The following LMBRD2 variants were observed in gnomAD, a reference collection of about 807,000 sequenced individuals.
LMBRD2 encodes G protein-coupled receptor-associated protein LMBRD2.
Under a neutral mutation model 94.4 loss-of-function variants are expected in LMBRD2, and 55 were observed. The observed-to-expected ratio is 0.58, with a 90% CI of 0.47 to 0.73. The LOEUF is 0.73. Ranked by LOEUF, LMBRD2 falls within the 30% of genes least tolerant of loss-of-function variation. The pLI is 0.00. For synonymous variants in LMBRD2, 246 were observed against 272.4 expected, an observed-to-expected ratio of 0.90 and a Z score of 0.95; for missense variants, 640 against 831.9, an observed-to-expected ratio of 0.77 and a Z score of 2.84.
At position 36,100,708 on chromosome 5, in the gene LMBRD2, T is replaced by C. The variant is rs921032716; in HGVS notation, c.*3338A>G. The stretch of plus-strand genomic sequence containing the variant: ...TTAGTGCAAATATACTTGTAATTTT[T>C]AGGCATAATCCACTCAAATCACAAG... On this transcript the variant is annotated 3_prime_UTR_variant, in exon 18 of 18. Coordinates refer to ENST00000296603, the MANE Select transcript of LMBRD2 (RefSeq NM_001007527.2). 2.6e-5 allele frequency: 4 copies of C among 152,092 alleles called. No homozygotes were observed. The highest frequency in any genetic ancestry group is 9.7e-5 in the African/African-American group (4 of 41,438). The allele number at this position is 152,092 out of a possible 1,614,324, so 9.4% of individuals were successfully genotyped here.
chr5:36,121,790 T>C (rs1301549867), intron 9 of LMBRD2, among the ~76,000 whole-genome samples: 1 of 152,218 alleles, frequency 6.6e-6, no homozygotes, highest in African/African-American at 2.4e-5. Flanking sequence ...TCTATGTTTA[T>C]ATACACAAAA....
At chr5:36,130,117 C>T (rs931753056) in intron 6 of LMBRD2, among the ~76,000 whole-genome samples, 1 of 152,012 alleles carries the variant, frequency 6.6e-6, no homozygotes, top group African/African-American at 2.4e-5. Flanking sequence ...AGCACACCAA[C>T]GTGGCACATG....
In LMBRD2 at chr5:36,125,660, C is replaced by A. The variant is rs573588811; in HGVS notation, c.748-1395G>T. Among the ~76,000 whole-genome samples the A allele has an allele frequency of 7.9e-5, 12 of 152,228 alleles. No homozygotes were observed. In the East Asian group the frequency reaches 2.3e-3, roughly 29 times the overall value. On this transcript the variant is annotated intron_variant, in intron 6 of 17. Transcript: ENST00000296603. ...GATATAATCTATTTAAAGGTAATTT[C>A]ACAACATCTATTGAAATTTAGAATA...
chr5:36,109,445 A>C (rs1581041482), intron 15 of LMBRD2, among the ~76,000 whole-genome samples: 1 of 152,100 alleles, frequency 6.6e-6, no homozygotes, highest in Non-Finnish European at 1.5e-5. Flanking sequence ...CTTTGCCAGT[A>C]TATACACCCA....
At position 36,151,387 on chromosome 5, in the gene LMBRD2, A is replaced by G. The variant is rs191332765; in HGVS notation, c.-58+169T>C. ...TCTCCGGCTCCCCTAAAATTAAACC[A>G]TTGTCTCTCGTTCCAACGGCGTGTT... On this transcript the variant is annotated intron_variant, in intron 1 of 17. Transcript: ENST00000296603. This position sits in a 1 kb window ranked among gnomAD's most constrained non-coding sequence, Gnocchi z 4.7. Among the ~76,000 whole-genome samples, 2 of 152,262 alleles carry G rather than the reference A, an allele frequency of 1.3e-5. No homozygotes were observed. Among genetic ancestry groups the G allele is most frequent in the Admixed American group, 6.5e-5 (1 of 15,304 alleles).
chr5:36,113,322 C>T (rs1031433332), intron 13 of LMBRD2, among the ~76,000 whole-genome samples: 5 of 152,182 alleles, frequency 3.3e-5, no homozygotes, highest in South Asian at 4.1e-4. Flanking sequence ...GACCCTCTCA[C>T]GAGGACCCCC....
chr5:36,123,299 T>A (rs1048775606), intron 7 of LMBRD2, among the ~76,000 whole-genome samples: 1 of 152,118 alleles, frequency 6.6e-6, no homozygotes, highest in Admixed American at 6.5e-5. Flanking sequence ...AGCTAAAGAA[T>A]GAAGCAAAAT....
At chr5:36,116,324 A>T in intron 11 of LMBRD2, 136 bp downstream of exon 11, 1 of 833,576 alleles carries the variant, frequency 1.2e-6, no homozygotes, top group Non-Finnish European at 1.9e-6. Context: ...ACATCAATTT[A>T]ATATTTGAAA....
chr5:36,133,091 T>C (rs1196463038), intron 6 of LMBRD2, among the ~76,000 whole-genome samples: 1 of 151,842 alleles, frequency 6.6e-6, no homozygotes, highest in Non-Finnish European at 1.5e-5. Context: ...CAAAGAAATG[T>C]CTGCACTCCC....
Position 36,122,830 on chromosome 5 carries a change from T to A in LMBRD2, c.936+18A>T, listed in dbSNP as rs979874718. On this transcript the variant is annotated intron_variant, in intron 8 of 17. Coordinates refer to ENST00000296603, the MANE Select transcript of LMBRD2 (RefSeq NM_001007527.2). ...TAAAATCATCATTAAGTAAAATACT[T>A]ATAATTAACAAAGTTACCTGTTTAT... 1 of 1,586,280 alleles carries A rather than the reference T, an allele frequency of 6.3e-7. No homozygotes were observed. The highest frequency in any genetic ancestry group is 1.9e-5 in the Admixed American group (1 of 52,384).
In LMBRD2 at chr5:36,133,706, A is replaced by C. The variant is rs185226525; in HGVS notation, c.747+2603T>G. ...ATCCATTTTTAAAGAGCAGTTTCTT[A>C]TCTAAACTTTTTTACACAGCTTAAA... is the stretch of plus-strand genomic sequence containing the variant. On this transcript the variant is annotated intron_variant, in intron 6 of 17. Coordinates refer to ENST00000296603, the MANE Select transcript of LMBRD2 (RefSeq NM_001007527.2). Among the ~76,000 whole-genome samples, 708 of 152,278 alleles carry C rather than the reference A, an allele frequency of 4.6e-3. 12 individuals are homozygous for C. Among genetic ancestry groups the C allele is most frequent in the Non-Finnish European group, 6.8e-3 (464 of 67,994 alleles).
intron 6 of LMBRD2, among the ~76,000 whole-genome samples, chr5:36,126,640 C>A (rs971413473): frequency 6.6e-6 from 1 of 152,070 alleles, no homozygotes; most frequent in Non-Finnish European, 1.5e-5. Flanking sequence ...CTAGCAAATA[C>A]CTTTTGAATG....
rs1040484500 is a variant in LMBRD2, at chr5:36,103,863, G to C, written c.*183C>G. On this transcript the variant is annotated 3_prime_UTR_variant, in exon 18 of 18. Transcript: ENST00000296603. ...ATATGTAATAAATCTTGTTGAAAAAGGTGATACTCTATTCAATGCACATTA... is the reference window on the plus strand; with the variant it reads ...ATATGTAATAAATCTTGTTGAAAAACGTGATACTCTATTCAATGCACATTA... 4.3e-6 allele frequency: 2 copies of C among 460,730 alleles called. No individual in the cohort carries two copies. Among genetic ancestry groups the C allele is most frequent in the Non-Finnish European group, 7.9e-6 (2 of 252,850 alleles). 28.5% of individuals were successfully genotyped at this position (460,730 alleles called of 1,614,324 possible).
At chr5:36,146,793 AT>A (rs1744551044) in intron 1 of LMBRD2, among the ~76,000 whole-genome samples, 1 of 152,168 alleles carries the variant, frequency 6.6e-6, no homozygotes, top group South Asian at 2.1e-4. Flanking sequence ...GGCTCTGTAT[AT>A]GTTTTTAAAT....
chr5:36,110,537 T>C (rs1743579501), intron 14 of LMBRD2, among the ~76,000 whole-genome samples: 1 of 152,042 alleles, frequency 6.6e-6, no homozygotes, highest in African/African-American at 2.4e-5. Flanking sequence ...TACACTGGCT[T>C]ATTTTGGAGC....
chr5:36,118,868 T>C (rs901383127), intron 9 of LMBRD2, among the ~76,000 whole-genome samples: 1 of 152,030 alleles, frequency 6.6e-6, no homozygotes, highest in Non-Finnish European at 1.5e-5. Flanking sequence ...TAATTTTTTG[T>C]ATTTTTAGTA....
chr5:36,139,002 G>C (rs959563994), intron 4 of LMBRD2, among the ~76,000 whole-genome samples: 1 of 152,194 alleles, frequency 6.6e-6, no homozygotes, highest in Non-Finnish European at 1.5e-5. Flanking sequence ...GAGCTAGCAG[G>C]AGCTGGGAAG....
At position 36,104,126 on chromosome 5, in the gene LMBRD2, A is replaced by C. The variant is rs1318919969; in HGVS notation, c.2028-20T>G. The C allele has an allele frequency of 1.4e-5, 22 of 1,587,814 alleles. No individual in the cohort carries two copies. Among genetic ancestry groups the C allele is most frequent in the Non-Finnish European group, 1.8e-5 (21 of 1,157,386 alleles). ...TGATACCTAAAAAGGGAACATAAAG[A>C]AATGATCTGAGGCATCAAAAATAAT... On this transcript the variant is annotated intron_variant, in intron 17 of 17. Coordinates refer to ENST00000296603, the MANE Select transcript of LMBRD2 (RefSeq NM_001007527.2).
At chr5:36,144,387 A>C (rs1415069779) in intron 1 of LMBRD2, among the ~76,000 whole-genome samples, 1 of 152,184 alleles carries the variant, frequency 6.6e-6, no homozygotes, top group Non-Finnish European at 1.5e-5. Context: ...AGTGTGATCA[A>C]CCCAACAAAA....
Sources: gnomAD v4.1 joint callset for allele counts (sites outside exome capture counted in the v4.1 genomes callset) on GRCh38, gnomAD v4.1.1 for gene constraint, Gnocchi (gnomAD v3.1) non-coding constraint, MANE v1.5 for transcripts, NCBI Gene and HGNC (gene_info 2026-07-23, HGNC 2026-07-21) for gene names.